Variants in LARGE1 observed in about 807,000 individuals in gnomAD.
LARGE1 encodes the protein LARGE xylosyl- and glucuronyltransferase 1.
A neutral mutation model predicts 87.6 loss-of-function variants in LARGE1; 43 were observed. The observed-to-expected ratio is 0.49, with a 90% CI of 0.38 to 0.63. LARGE1 has a LOEUF of 0.63. Ranked by LOEUF, LARGE1 falls within the 30% of genes least tolerant of loss-of-function variation. LARGE1 has a pLI of 0.00. For missense variants in LARGE1, 802 were observed against 1,000.2 expected (o/e 0.80, Z 2.67); for synonymous variants, 434 against 394.6 (o/e 1.10, Z -1.18).
At chr22:33,548,369 G>C (rs569593368) in intron 6 of LARGE1, among the ~76,000 whole-genome samples, 13 of 152,188 alleles carry the variant, frequency 8.5e-5, no homozygotes, top group African/African-American at 2.9e-4. Flanking sequence ...GCAGAACTGT[G>C]AGCCAATTAA....
intron 6 of LARGE1, among the ~76,000 whole-genome samples, chr22:33,500,714 CA>C (rs2070386205): frequency 6.6e-6 from 1 of 152,150 alleles, no homozygotes; most frequent in African/African-American, 2.4e-5. Flanking sequence ...CCTTTGCTTA[CA>C]TGATTGTTGG....
the LARGE1 span, among the ~76,000 whole-genome samples, chr22:33,075,087 T>C: frequency 6.6e-6 from 1 of 152,234 alleles, no homozygotes; most frequent in Non-Finnish European, 1.5e-5. Flanking sequence ...CCTGAACTAT[T>C]AACCATTATG....
intron 6 of LARGE1, among the ~76,000 whole-genome samples, chr22:33,539,795 G>T (rs1014216203): frequency 2.6e-5 from 4 of 151,998 alleles, no homozygotes; most frequent in African/African-American, 7.2e-5. Context: ...GCCCAGGCTG[G>T]TCTCAAATTC....
chr22:33,271,733 G>A (rs1928257011), downstream of LARGE1, among the ~76,000 whole-genome samples: 1 of 152,234 alleles, frequency 6.6e-6, no homozygotes, highest in Non-Finnish European at 1.5e-5. Flanking sequence ...TGCTCCCAGT[G>A]TAAGTTCTGG....
chr22:33,082,765 A>C, the LARGE1 span, among the ~76,000 whole-genome samples: 1 of 152,200 alleles, frequency 6.6e-6, no homozygotes, highest in Admixed American at 6.5e-5. Context: ...ACAGAAACTA[A>C]TACTTAATAA....
chr22:33,494,203 A>C (rs545122532), intron 6 of LARGE1, among the ~76,000 whole-genome samples: 1 of 152,334 alleles, frequency 6.6e-6, no homozygotes, highest in Non-Finnish European at 1.5e-5. Context: ...GAAGCCAAAA[A>C]GCCCTGGCTG....
chr22:33,101,790 T>C, the LARGE1 span, among the ~76,000 whole-genome samples: 2 of 152,146 alleles, frequency 1.3e-5, no homozygotes, highest in Non-Finnish European at 2.9e-5. Flanking sequence ...TAGGAAGATA[T>C]GTCACCAGGC....
At chr22:33,628,880 G>A (rs1602818669) in intron 3 of LARGE1, among the ~76,000 whole-genome samples, 1 of 152,070 alleles carries the variant, frequency 6.6e-6, no homozygotes. Flanking sequence ...GATGCTACTG[G>A]CATCTGTGAG....
intron 2 of LARGE1, chr22:33,750,570 A>T (rs763640845): frequency 4.9e-5 from 7 of 142,768 alleles, no homozygotes; most frequent in Non-Finnish European, 1.0e-4. Context: ...TCCACAATAC[A>T]ATAATAAAAG....
At chr22:33,649,417 G>C (rs2080721987) in intron 3 of LARGE1, among the ~76,000 whole-genome samples, 1 of 152,128 alleles carries the variant, frequency 6.6e-6, no homozygotes, top group South Asian at 2.1e-4. Flanking sequence ...AGAAACAGCA[G>C]GTCCTATCTA....
chr22:33,546,574 A>C (rs181331629), intron 6 of LARGE1, among the ~76,000 whole-genome samples: 1 of 151,986 alleles, frequency 6.6e-6, no homozygotes, highest in East Asian at 1.9e-4. Flanking sequence ...CATCTTATCC[A>C]TTCTTTTTTT....
chr22:33,724,993 A>C (rs899078903), intron 2 of LARGE1: 3 of 152,524 alleles, frequency 2.0e-5, no homozygotes, highest in Non-Finnish European at 4.4e-5. Flanking sequence ...GGTGAAGTGT[A>C]AACAAAGACC....
chr22:33,645,503 T>A (rs1021148199), intron 3 of LARGE1, among the ~76,000 whole-genome samples: 11 of 152,116 alleles, frequency 7.2e-5, no homozygotes, highest in Non-Finnish European at 1.6e-4. Flanking sequence ...GAAGAAAACC[T>A]AGGCAATACC....
the LARGE1 span, among the ~76,000 whole-genome samples, chr22:33,139,601 G>C: frequency 6.6e-6 from 1 of 151,432 alleles, no homozygotes; most frequent in East Asian, 1.9e-4. Flanking sequence ...TCAGTTCTTT[G>C]CTGTACTTTT....
chr22:33,466,691 T>TACACACACACACACACA (rs1342829826), intron 6 of LARGE1, among the ~76,000 whole-genome samples: 1 of 113,002 alleles, frequency 8.8e-6, no homozygotes, highest in Non-Finnish European at 1.9e-5. Flanking sequence ...CCTCTCTCTC[T>TACACACACACACACACA]CTACACACAC....
chr22:33,408,880 G>C (rs550953791), intron 7 of LARGE1, among the ~76,000 whole-genome samples: 2 of 152,168 alleles, frequency 1.3e-5, no homozygotes, highest in Admixed American at 1.3e-4. Context: ...ATATTCGCCC[G>C]GCCACTCCAA....
chr22:33,314,824 T>A (rs902632923), intron 11 of LARGE1, among the ~76,000 whole-genome samples: 1 of 152,202 alleles, frequency 6.6e-6, no homozygotes, highest in Non-Finnish European at 1.5e-5. Context: ...GCACCTGGAA[T>A]GGCCAAGTAT....
intron 6 of LARGE1, among the ~76,000 whole-genome samples, chr22:33,528,884 A>T (rs1369946437): frequency 1.3e-5 from 2 of 152,152 alleles, no homozygotes; most frequent in African/African-American, 2.4e-5. Flanking sequence ...AGTACTTAAC[A>T]TTTATTGAGT....
chr22:33,855,192 G>T (rs913832432), intron 1 of LARGE1, among the ~76,000 whole-genome samples: 1 of 152,078 alleles, frequency 6.6e-6, no homozygotes, highest in Non-Finnish European at 1.5e-5. Context: ...AAAATTAGCC[G>T]GGTGTGGTGG....
Sources: allele counts gnomAD v4.1 joint callset (sites outside exome capture counted in the v4.1 genomes callset), GRCh38; gene constraint gnomAD v4.1.1; transcripts MANE v1.5; gene names NCBI Gene and HGNC (gene_info 2026-07-23, HGNC 2026-07-21).